Variants in AKAP19 observed in about 807,000 individuals in gnomAD.
The protein encoded by AKAP19 is small A-kinase anchoring protein.
the AKAP19 span, among the ~76,000 whole-genome samples, chr2:189,996,758 G>C: frequency 6.6e-6 from 1 of 152,216 alleles, no homozygotes; most frequent in Admixed American, 6.5e-5. Flanking sequence ...AAGGGCTGCT[G>C]TTCAGATTCT....
the AKAP19 span, among the ~76,000 whole-genome samples, chr2:190,018,606 C>T: frequency 3.9e-5 from 6 of 152,072 alleles, no homozygotes; most frequent in Non-Finnish European, 7.4e-5. Flanking sequence ...GAAGATTATT[C>T]TGAACTCTTT....
At chr2:190,057,252 T>C in the AKAP19 span, 1 of 1,613,020 alleles carries the variant, frequency 6.2e-7, no homozygotes, top group Non-Finnish European at 8.5e-7. Context: ...ACGCTTAATA[T>C]AAATCTCATG....
At chr2:190,144,784 C>T in the AKAP19 span, among the ~76,000 whole-genome samples, 2 of 152,068 alleles carry the variant, frequency 1.3e-5, no homozygotes, top group Non-Finnish European at 2.9e-5. Flanking sequence ...CGAGACCAGC[C>T]TGACTAACAT....
At chr2:190,116,857 C>A in the AKAP19 span, among the ~76,000 whole-genome samples, 1 of 152,194 alleles carries the variant, frequency 6.6e-6, no homozygotes, top group Admixed American at 6.5e-5. Context: ...ATACTTTTTC[C>A]CCAAGACCCA....
At chr2:189,933,881 AC>A in the AKAP19 span, among the ~76,000 whole-genome samples, 5 of 152,100 alleles carry the variant, frequency 3.3e-5, no homozygotes, top group Admixed American at 6.5e-5. Flanking sequence ...TTTCTCACTA[AC>A]CTGGACAGCC....
the AKAP19 span, among the ~76,000 whole-genome samples, chr2:189,976,775 C>G: frequency 6.6e-6 from 1 of 152,210 alleles, no homozygotes; most frequent in Admixed American, 6.5e-5. Flanking sequence ...ACACTCTGAG[C>G]CAGGTGCGGA....
At chr2:190,058,322 C>A in the AKAP19 span, among the ~76,000 whole-genome samples, 15 of 151,992 alleles carry the variant, frequency 9.9e-5, no homozygotes, top group African/African-American at 3.4e-4. Flanking sequence ...ATATTAACCA[C>A]TGGACATATT....
chr2:190,006,638 CA>C, the AKAP19 span, among the ~76,000 whole-genome samples: 79,633 of 113,552 alleles, frequency 0.7, 26,897 homozygotes, highest in East Asian at 0.84. Flanking sequence ...GACTCTGTCT[CA>C]AAAAAAAAAA....
the AKAP19 span, among the ~76,000 whole-genome samples, chr2:190,087,662 G>T: frequency 6.6e-6 from 1 of 152,126 alleles, no homozygotes; most frequent in Non-Finnish European, 1.5e-5. Flanking sequence ...AATCAATGTC[G>T]ATCTCTACTT....
the AKAP19 span, among the ~76,000 whole-genome samples, chr2:190,111,718 A>C: frequency 1.3e-5 from 2 of 152,204 alleles, no homozygotes; most frequent in Admixed American, 6.5e-5. Context: ...CTGAGTTCTC[A>C]GGATCTATAT....
the AKAP19 span, among the ~76,000 whole-genome samples, chr2:189,936,945 C>T: frequency 7.2e-5 from 11 of 151,940 alleles, no homozygotes; most frequent in South Asian, 4.2e-4. Flanking sequence ...GGCAACATAG[C>T]GAGACCCCTG....
the AKAP19 span, among the ~76,000 whole-genome samples, chr2:189,942,571 T>C: frequency 6.6e-6 from 1 of 151,896 alleles, no homozygotes; most frequent in African/African-American, 2.4e-5. Context: ...CAGGTAGAGG[T>C]TGGAAGAGTT....
At chr2:190,038,897 TTTC>T in the AKAP19 span, among the ~76,000 whole-genome samples, 1 of 62,256 alleles carries the variant, frequency 1.6e-5, no homozygotes, top group Non-Finnish European at 3.1e-5. Context: ...TCTTTCTTTC[TTTC>T]TTTCTTCTTC....
At chr2:190,196,907 G>C in the AKAP19 span, among the ~76,000 whole-genome samples, 1 of 151,966 alleles carries the variant, frequency 6.6e-6, no homozygotes, top group Non-Finnish European at 1.5e-5. Flanking sequence ...GGAGTATTTA[G>C]AAGACTGGGT....
the AKAP19 span, among the ~76,000 whole-genome samples, chr2:190,001,119 T>C: frequency 6.6e-6 from 1 of 152,218 alleles, no homozygotes; most frequent in South Asian, 2.1e-4. Context: ...TAGTGAATTT[T>C]AGTTTAGTTA....
the AKAP19 span, among the ~76,000 whole-genome samples, chr2:189,934,855 T>C: frequency 2.4e-4 from 37 of 152,076 alleles, no homozygotes; most frequent in South Asian, 7.2e-3. Flanking sequence ...GAAAAAGATA[T>C]ATTCTCATAT....
the AKAP19 span, among the ~76,000 whole-genome samples, chr2:190,048,099 A>G: frequency 2.0e-5 from 3 of 152,094 alleles, no homozygotes; most frequent in Non-Finnish European, 2.9e-5. Flanking sequence ...TTTCGCATTT[A>G]TCTGATTTGA....
chr2:190,185,751 A>G, the AKAP19 span, among the ~76,000 whole-genome samples: 1 of 152,202 alleles, frequency 6.6e-6, no homozygotes, highest in Non-Finnish European at 1.5e-5. Flanking sequence ...TCTATCATCT[A>G]ATTGTTCAAA....
chr2:189,949,633 T>TA, the AKAP19 span, among the ~76,000 whole-genome samples: 1 of 137,298 alleles, frequency 7.3e-6, no homozygotes, highest in South Asian at 2.3e-4. Context: ...TTTTCTTTCT[T>TA]TTTTTTTTTT....
Sources: allele counts gnomAD v4.1 joint callset (sites outside exome capture counted in the v4.1 genomes callset), GRCh38; gene constraint gnomAD v4.1.1; transcripts MANE v1.5; gene names NCBI Gene and HGNC (gene_info 2026-07-23, HGNC 2026-07-21).